The following BCAS1 variants were observed in gnomAD, a reference collection of about 807,000 sequenced individuals.
BCAS1 encodes brain enriched myelin associated protein 1, also known as breast carcinoma-amplified sequence 1.
Under a neutral mutation model 65.4 loss-of-function variants are expected in BCAS1, and 46 were observed. The observed-to-expected ratio is 0.70, with a 90% CI of 0.55 to 0.90. BCAS1 has a LOEUF of 0.90. BCAS1 is among the 40% of genes least tolerant of loss of function. The pLI, the probability that BCAS1 is intolerant of heterozygous loss-of-function variation, is 0.00. For synonymous variants in BCAS1, 298 were observed against 293.5 expected, an observed-to-expected ratio of 1.02 and a Z score of -0.16; for missense variants, 793 against 771.2, an observed-to-expected ratio of 1.03 and a Z score of -0.33.
chr20:53,953,176 C>G (rs2089582617), intron 12 of BCAS1, among the ~76,000 whole-genome samples: 1 of 152,150 alleles, frequency 6.6e-6, no homozygotes, highest in Non-Finnish European at 1.5e-5. Flanking sequence ...TTCATGAACT[C>G]TATGAGTTAG....
At chr20:54,057,997 CA>C (rs2092321209) in intron 3 of BCAS1, 87 bp downstream of exon 3, 4 of 929,432 alleles carry the variant, frequency 4.3e-6, no homozygotes, top group Admixed American at 2.3e-5. Flanking sequence ...TCGACCCTTT[CA>C]TTTTTTTTTT....
intron 10 of BCAS1, among the ~76,000 whole-genome samples, chr20:53,962,612 C>G (rs1050595194): frequency 3.3e-5 from 5 of 152,128 alleles, no homozygotes; most frequent in Admixed American, 2.0e-4. Context: ...AAAAATACAC[C>G]AGCACTTCAA....
At chr20:53,980,749 G>T (rs1344033447) in intron 8 of BCAS1, among the ~76,000 whole-genome samples, 1 of 152,136 alleles carries the variant, frequency 6.6e-6, no homozygotes, top group Non-Finnish European at 1.5e-5. Flanking sequence ...CATTTAACTT[G>T]TATTTGTATT....
chr20:53,975,452 A>G, intron 8 of BCAS1, 22 bp from the exon 9 acceptor site: 1 of 1,608,406 alleles, frequency 6.2e-7, no homozygotes, highest in African/African-American at 1.3e-5. Flanking sequence ...TAAAAACAAA[A>G]GTGAGAGTTA....
intron 4 of BCAS1, among the ~76,000 whole-genome samples, chr20:54,009,122 G>C (rs145578398): frequency 1.1e-3 from 160 of 152,270 alleles, no homozygotes; most frequent in African/African-American, 3.6e-3. Flanking sequence ...CTCTGACAAA[G>C]ATTTTAAAGT....
At chr20:53,989,168 A>T (rs1027498958) in intron 7 of BCAS1, among the ~76,000 whole-genome samples, 1 of 151,906 alleles carries the variant, frequency 6.6e-6, no homozygotes, top group African/African-American at 2.4e-5. Flanking sequence ...GGCAAAAAAT[A>T]GTCTAAAAAA....
At chr20:54,056,218 G>T (rs1417138543) in intron 3 of BCAS1, among the ~76,000 whole-genome samples, 1 of 151,962 alleles carries the variant, frequency 6.6e-6, no homozygotes, top group Admixed American at 6.6e-5. Flanking sequence ...TGGTGGATGT[G>T]TTGAATATAT....
chr20:53,991,392 T>C (rs2090756426), intron 7 of BCAS1, among the ~76,000 whole-genome samples: 1 of 152,234 alleles, frequency 6.6e-6, no homozygotes, highest in Non-Finnish European at 1.5e-5. Context: ...CAAATACAGA[T>C]TCAGCTGTGA....
In BCAS1 at chr20:53,954,294, GGAGAGAGAGAGA is replaced by G. The variant is rs71196437; in HGVS notation, c.1552-611_1552-600del. On this transcript the variant is annotated intron_variant, in intron 11 of 12. Coordinates refer to ENST00000688948, the MANE Select transcript of BCAS1 (RefSeq NM_001366298.2). ...ACAGAGAAAATCACAGCTGAGAAAT[GGAGAGAGAGAGA>G]GAGAGAGAGAGAGAGAGAGAGAGAG... is the stretch of plus-strand genomic sequence containing the variant. Among the ~76,000 whole-genome samples the G allele has an allele frequency of 6.2e-4, 78 of 125,908 alleles. 1 individual carries two copies. Among genetic ancestry groups the G allele is most frequent in the Middle Eastern group, 4.3e-3 (1 of 230 alleles). 82.6% of individuals were successfully genotyped at this position (125,908 alleles called of 152,430 possible). A position where few individuals can be genotyped will look rare whatever the true frequency, so the allele number is the denominator to read the frequency against.
chr20:54,065,551 C>T (rs1185636851), intron 1 of BCAS1, among the ~76,000 whole-genome samples: 1 of 152,232 alleles, frequency 6.6e-6, no homozygotes, highest in Non-Finnish European at 1.5e-5. Context: ...CCCCTTCCCC[C>T]AGCGAAGAAT....
chr20:54,032,915 T>C (rs981570913), intron 3 of BCAS1, among the ~76,000 whole-genome samples: 2 of 150,872 alleles, frequency 1.3e-5, no homozygotes, highest in Non-Finnish European at 3.0e-5. Flanking sequence ...GACAGATCAT[T>C]GAGACAGGAA....
chr20:53,957,822 A>G (rs968028893), intron 10 of BCAS1, among the ~76,000 whole-genome samples: 3 of 152,162 alleles, frequency 2.0e-5, no homozygotes, highest in African/African-American at 7.2e-5. Flanking sequence ...TGAAGACTGA[A>G]TGAACAATTG....
chr20:54,021,661 A>G (rs888924632), intron 4 of BCAS1, among the ~76,000 whole-genome samples: 1 of 152,030 alleles, frequency 6.6e-6, no homozygotes, highest in African/African-American at 2.4e-5. Context: ...GTTCTCACTT[A>G]TAAGTGGGAG....
chr20:53,988,447 C>T (rs208361), intron 7 of BCAS1, among the ~76,000 whole-genome samples: 10,111 of 152,238 alleles, frequency 0.066, 925 homozygotes, highest in East Asian at 0.47. Context: ...GTAACAGTGA[C>T]AGACACTGTT....
Position 54,040,405 on chromosome 20 carries a change from G to A in BCAS1, c.143-11433C>T, listed in dbSNP as rs765845744. Among the ~76,000 whole-genome samples the A allele has an allele frequency of 6.6e-5, 10 of 151,160 alleles. 1 individual carries two copies. The highest frequency in any genetic ancestry group is 1.3e-4 in the Non-Finnish European group (9 of 67,544). On this transcript the variant is annotated intron_variant, in intron 3 of 12. Coordinates refer to ENST00000688948, the MANE Select transcript of BCAS1 (RefSeq NM_001366298.2). ...CACCACGGGTCAGCTGTGGAGATAC[G>A]GTTGTGGGGCAGGTTGAGTTCAGGA...
chr20:54,058,573 C>T (rs1251674328), intron 2 of BCAS1, 74 bp downstream of exon 2: 1 of 1,537,840 alleles, frequency 6.5e-7, no homozygotes, highest in Admixed American at 2.1e-5. Context: ...AGTCAACACA[C>T]TTGTCAAATA....
chr20:54,004,206 C>G (rs565771586), intron 4 of BCAS1, among the ~76,000 whole-genome samples: 6 of 152,132 alleles, frequency 3.9e-5, no homozygotes, highest in African/African-American at 7.2e-5. Context: ...GAGACCCCAG[C>G]GAGCGTTCTA....
rs186022806 is a variant in BCAS1 at position 53,956,238 on chromosome 20, T to C, written c.1551+1194A>G. Among the ~76,000 whole-genome samples the C allele has an allele frequency of 2.1e-4, 32 of 152,304 alleles. No homozygotes were observed. In the East Asian group the frequency reaches 3.5e-3, roughly 17 times the overall value. ...GGCATAGGGTGGGGCCCTGCCCCAATAGGATTAGTGTCCTTATAAGAAGAG... is the reference window on the plus strand; with the variant it reads ...GGCATAGGGTGGGGCCCTGCCCCAACAGGATTAGTGTCCTTATAAGAAGAG... On this transcript the variant is annotated intron_variant, in intron 11 of 12. Transcript: ENST00000688948.
At position 54,044,837 on chromosome 20, in the gene BCAS1, C is replaced by CA. The variant is rs74179262; in HGVS notation, c.142+13247dup. Among the ~76,000 whole-genome samples, 192 of 132,708 alleles carry CA rather than the reference C, an allele frequency of 1.4e-3. 2 individuals carry two copies. The highest frequency in any genetic ancestry group is 3.1e-3 in the African/African-American group (111 of 35,850). 87.1% of individuals were successfully genotyped at this position (132,708 alleles called of 152,430 possible). On this transcript the variant is annotated intron_variant, in intron 3 of 12. Coordinates refer to ENST00000688948, the MANE Select transcript of BCAS1 (RefSeq NM_001366298.2). ...TGGGCAGCGGAAGGAGACTCTGTCT[C>CA]AAAAAAAAAAAGAAAAAAAGAAATT...
Sources: allele counts gnomAD v4.1 joint callset (sites outside exome capture counted in the v4.1 genomes callset), GRCh38; gene constraint gnomAD v4.1.1; transcripts MANE v1.5; gene names NCBI Gene and HGNC (gene_info 2026-07-23, HGNC 2026-07-21).